CADM2: variants seen among roughly 807,000 people sequenced by gnomAD.
CADM2 encodes the protein cell adhesion molecule 2, also known as immunoglobulin superfamily member 4D.
Under a neutral mutation model 49.8 loss-of-function variants are expected in CADM2, and 12 were observed. The observed-to-expected ratio is 0.24, with a 90% CI of 0.15 to 0.39. CADM2 has a LOEUF of 0.39. CADM2 is among the 10% of genes least tolerant of loss of function. The pLI is 1.00. For synonymous variants in CADM2, 214 were observed against 175.4 expected, an observed-to-expected ratio of 1.22 and a Z score of -1.74; for missense variants, 378 against 492.3, an observed-to-expected ratio of 0.77 and a Z score of 2.20.
chr3:85,717,301 A>G (rs777851623), intron 1 of CADM2, among the ~76,000 whole-genome samples: 19 of 151,946 alleles, frequency 1.3e-4, no homozygotes, highest in Non-Finnish European at 2.2e-4. Context: ...CTGTTTGTCT[A>G]TTATTGCTGG....
At chr3:86,045,454 T>C (rs904949597) in intron 8 of CADM2, among the ~76,000 whole-genome samples, 6 of 152,090 alleles carry the variant, frequency 3.9e-5, no homozygotes, top group Non-Finnish European at 8.8e-5. Flanking sequence ...GGGACTCAGT[T>C]ACTGAAAAGA....
chr3:85,124,871 T>C (rs950506180), intron 1 of CADM2, among the ~76,000 whole-genome samples: 3 of 152,180 alleles, frequency 2.0e-5, no homozygotes, highest in Non-Finnish European at 4.4e-5. Flanking sequence ...TTTACATAGG[T>C]ACTCCAAGAC....
intron 3 of CADM2, among the ~76,000 whole-genome samples, chr3:85,864,728 A>T (rs2075660464): frequency 6.6e-6 from 1 of 152,172 alleles, no homozygotes; most frequent in South Asian, 2.1e-4. Flanking sequence ...TTCTTACTTT[A>T]TGTCAATGGA....
chr3:85,949,682 A>G (rs1389550650), intron 7 of CADM2, among the ~76,000 whole-genome samples: 3 of 151,252 alleles, frequency 2.0e-5, no homozygotes, highest in African/African-American at 7.3e-5. Flanking sequence ...GCTATCAGAT[A>G]AATGCTATGG....
Position 86,066,813 on chromosome 3 carries a change from C to A in CADM2, c.*30C>A. Reference sequence around the variant, plus strand: ...CAGGCCAAGATTCTGAGTTTTACTACCAGGCTGAATGCTGGAGAAAACTGG... The same window carrying A: ...CAGGCCAAGATTCTGAGTTTTACTAACAGGCTGAATGCTGGAGAAAACTGG... On this transcript the variant is annotated 3_prime_UTR_variant, in exon 10 of 10. Coordinates refer to ENST00000383699, the MANE Select transcript of CADM2 (RefSeq NM_001167675.2). The A allele has an allele frequency of 6.9e-7, 1 of 1,451,722 alleles. No homozygotes were observed. The highest frequency in any genetic ancestry group is 9.7e-7 in the Non-Finnish European group (1 of 1,032,934). The allele number at this position is 1,451,722 out of a possible 1,614,324, so 89.9% of individuals were successfully genotyped here. A position where few individuals can be genotyped will look rare whatever the true frequency, so the allele number is the denominator to read the frequency against.
intron 1 of CADM2, among the ~76,000 whole-genome samples, chr3:85,667,557 C>A (rs2065606139): frequency 6.6e-6 from 1 of 151,988 alleles, no homozygotes; most frequent in South Asian, 2.1e-4. Flanking sequence ...TTGGAGAACA[C>A]AATTTGCATT....
Position 85,321,155 on chromosome 3 carries a change from T to A in CADM2, c.61+361487T>A, listed in dbSNP as rs2044602007. On this transcript the variant is annotated intron_variant, in intron 1 of 9. Coordinates refer to ENST00000383699, the MANE Select transcript of CADM2 (RefSeq NM_001167675.2). ...TTTTTTTTTTTTTTTTTTTTTTTTT[T>A]TTTTTTTTTTTGCGAGAGAGAGAAA... Among the ~76,000 whole-genome samples the A allele has an allele frequency of 1.5e-4, 9 of 59,004 alleles. 1 individual carries two copies. The highest frequency in any genetic ancestry group is 1.2e-3 in the Admixed American group (4 of 3,354). 38.7% of individuals were successfully genotyped at this position (59,004 alleles called of 152,430 possible).
intron 1 of CADM2, among the ~76,000 whole-genome samples, chr3:85,693,068 G>A (rs931872872): frequency 1.3e-5 from 2 of 151,870 alleles, no homozygotes; most frequent in African/African-American, 4.8e-5. Context: ...AGCCAACATG[G>A]TGAAACTCCG....
intron 1 of CADM2, among the ~76,000 whole-genome samples, chr3:85,533,943 C>A (rs1327993043): frequency 6.6e-6 from 1 of 152,030 alleles, no homozygotes; most frequent in African/African-American, 2.4e-5. Flanking sequence ...TATTTTACTA[C>A]TGTAAAATAT....
chr3:85,674,617 A>T (rs1359582225), intron 1 of CADM2, among the ~76,000 whole-genome samples: 1 of 152,210 alleles, frequency 6.6e-6, no homozygotes, highest in Admixed American at 6.5e-5. Context: ...AACAGATGAA[A>T]GAAAAATCAT....
At chr3:85,926,902 A>G (rs1231515646) in intron 6 of CADM2, among the ~76,000 whole-genome samples, 1 of 152,166 alleles carries the variant, frequency 6.6e-6, no homozygotes, top group Non-Finnish European at 1.5e-5. Context: ...CATAGTATGA[A>G]AAACATCAAT....
At chr3:85,535,543 G>T (rs547799460) in intron 1 of CADM2, among the ~76,000 whole-genome samples, 1 of 150,960 alleles carries the variant, frequency 6.6e-6, no homozygotes, top group South Asian at 2.1e-4. Context: ...TATCTTTTTT[G>T]TGGCAACTCC....
chr3:86,050,051 G>A (rs144614592), intron 8 of CADM2, among the ~76,000 whole-genome samples: 79 of 152,134 alleles, frequency 5.2e-4, no homozygotes, highest in Non-Finnish European at 9.6e-4. Flanking sequence ...TCTCATCTGG[G>A]ACTAGGCAAG....
chr3:86,053,107 A>G (rs557292054), intron 8 of CADM2, among the ~76,000 whole-genome samples: 1 of 152,144 alleles, frequency 6.6e-6, no homozygotes, highest in Non-Finnish European at 1.5e-5. Context: ...AAATCAATAA[A>G]TTTGATAAAA....
intron 1 of CADM2, among the ~76,000 whole-genome samples, chr3:85,685,054 C>T (rs751597374): frequency 6.6e-6 from 1 of 152,130 alleles, no homozygotes; most frequent in Non-Finnish European, 1.5e-5. Context: ...AGATAGAGAC[C>T]ATCCTGGCTA....
chr3:85,756,287 T>C (rs2069118577), intron 2 of CADM2, among the ~76,000 whole-genome samples: 1 of 152,184 alleles, frequency 6.6e-6, no homozygotes, highest in Non-Finnish European at 1.5e-5. Context: ...CATGTCTTTT[T>C]CTCACAAACT....
intron 7 of CADM2, among the ~76,000 whole-genome samples, chr3:85,941,506 G>A (rs773446243): frequency 6.6e-6 from 1 of 152,040 alleles, no homozygotes; most frequent in Admixed American, 6.6e-5. Flanking sequence ...TTATAAATTA[G>A]AGAGAAGAGA....
chr3:85,403,496 C>T (rs1014857552), intron 1 of CADM2, among the ~76,000 whole-genome samples: 3 of 152,050 alleles, frequency 2.0e-5, no homozygotes, highest in South Asian at 4.1e-4. Flanking sequence ...GTAACTTGGT[C>T]TTCAGAGTCA....
chr3:85,203,159 C>A (rs1206731417), intron 1 of CADM2, among the ~76,000 whole-genome samples: 1 of 152,170 alleles, frequency 6.6e-6, no homozygotes, highest in African/African-American at 2.4e-5. Flanking sequence ...AGAACCATTT[C>A]TTTGCACTCT....
Sources: gnomAD v4.1 joint callset for allele counts (sites outside exome capture counted in the v4.1 genomes callset) on GRCh38, gnomAD v4.1.1 for gene constraint, MANE v1.5 for transcripts, NCBI Gene and HGNC (gene_info 2026-07-23, HGNC 2026-07-21) for gene names.